The following RBM12B variants were observed in gnomAD, a reference collection of about 807,000 sequenced individuals.
RBM12B encodes the protein RNA-binding protein 12B.
Under a neutral mutation model 34.3 loss-of-function variants are expected in RBM12B, and 10 were observed. The observed-to-expected ratio is 0.29, with a 90% CI of 0.18 to 0.49. RBM12B has a LOEUF of 0.49. Among genes scored for constraint, RBM12B ranks in the 20% least tolerant of loss-of-function variants. The pLI is 0.99. For synonymous variants in RBM12B, 477 were observed against 437.1 expected (o/e 1.09, Z -1.14); for missense variants, 1,139 against 1,262.7 (o/e 0.90, Z 1.48).
intron 2 of RBM12B, among the ~76,000 whole-genome samples, chr8:93,738,650 C>T (rs1812097856): frequency 6.6e-6 from 1 of 152,020 alleles, no homozygotes; most frequent in African/African-American, 2.4e-5. Flanking sequence ...TTTTGTAGAG[C>T]CAGGGTTTCA....
In RBM12B at chr8:93,735,862, T is replaced by G; in HGVS notation, c.549A>C (p.Val183=). The G allele has an allele frequency of 6.2e-7, 1 of 1,614,052 alleles. No homozygotes were observed. Among genetic ancestry groups the G allele is most frequent in the East Asian group, 2.2e-5 (1 of 44,884 alleles). ...GGCCATCATGATGTTTTAAGAAAAT[T>G]ACTCCATCCACGCACAAACCAGAGA... The part of the protein sequence containing the change: ...VFFSGLCVDG[V]IFLKHHDGRN... Residue 183 remains valine, a synonymous_variant, in exon 4 of 4, where the codon GTA becomes GTC. Transcript: ENST00000520560.
At chr8:93,740,393 G>A (rs1812163438) in intron 2 of RBM12B, 1 of 457,286 alleles carries the variant, frequency 2.2e-6, no homozygotes, top group African/African-American at 2.0e-5. Context: ...CGTGGGATCC[G>A]ATGTTGTCGC....
rs1171490291 is a variant in RBM12B, at chr8:93,735,893, A to G, written c.518T>C (p.Val173Ala). 2 of 1,614,154 alleles carry G rather than the reference A, an allele frequency of 1.2e-6. No individual in the cohort carries two copies. The highest frequency in any genetic ancestry group is 2.2e-5 in the East Asian group (1 of 44,888). ...ATCCACGCACAAACCAGAGAAAAAG[A>G]CACGTACATCATCTTCATTTACTAG... ...PYLVNEDDVR[V>A]FFSGLCVDGV... The change falls in exon 4 of 4, where the codon GTC becomes GCC. Residue 173 changes from valine (V) to alanine (A), a missense_variant. Val to Ala is a moderately conservative substitution (Grantham distance 64, BLOSUM62 0). Coordinates refer to ENST00000520560, the MANE Select transcript of RBM12B (RefSeq NM_001377960.1).
rs533013250 is a variant in RBM12B at position 93,735,916 on chromosome 8, T to C, written c.495A>G (p.Leu165=). 1 of 1,614,212 alleles carries C rather than the reference T, an allele frequency of 6.2e-7. No homozygotes were observed. The highest frequency in any genetic ancestry group is 1.3e-5 in the African/African-American group (1 of 75,070). Residue 165 remains leucine (L), a synonymous_variant, in exon 4 of 4, where the codon CTA becomes CTG. Transcript: ENST00000520560. Reference sequence around the variant, plus strand: ...AGACACGTACATCATCTTCATTTACTAGGTAAGGCAAACCTCGTAGAAACA... The same window carrying C: ...AGACACGTACATCATCTTCATTTACCAGGTAAGGCAAACCTCGTAGAAACA... The part of the protein sequence containing the change: ...PYLFLRGLPY[L]VNEDDVRVFF...
intron 3 of RBM12B, 34 bp from the exon 4 acceptor site, chr8:93,736,472 T>C: frequency 6.8e-7 from 1 of 1,474,308 alleles, no homozygotes; most frequent in South Asian, 1.5e-5. Flanking sequence ...ATAGCAAGTC[T>C]TATTTTTGAA....
In RBM12B at chr8:93,738,364, A is replaced by C. The variant is rs185883767; in HGVS notation, c.-77-1009T>G. Among the ~76,000 whole-genome samples, 51 of 152,330 alleles carry C rather than the reference A, an allele frequency of 3.3e-4. 1 individual carries two copies. Among genetic ancestry groups the C allele is most frequent in the Admixed American group, 1.6e-3 (24 of 15,302 alleles). ...GATTACCCGTTTACTGAAAAATCTCAATGTAATTTTTTAAAGAAGTTTGCG... is the reference window on the plus strand; with the variant it reads ...GATTACCCGTTTACTGAAAAATCTCCATGTAATTTTTTAAAGAAGTTTGCG... On this transcript the variant is annotated intron_variant, in intron 2 of 3. Transcript: ENST00000520560.
intron 2 of RBM12B, chr8:93,738,834 C>T (rs1336223835): frequency 6.6e-6 from 1 of 152,086 alleles, no homozygotes; most frequent in Non-Finnish European, 1.5e-5. Flanking sequence ...ACTTAAGTAC[C>T]ACTGTTCCCC....
rs1268250545 is a variant in RBM12B at position 93,736,055 on chromosome 8, T to G, written c.356A>C (p.Asn119Thr). 1.9e-6 allele frequency: 3 copies of G among 1,614,226 alleles called. No individual in the cohort carries two copies. The highest frequency in any genetic ancestry group is 2.5e-6 in the Non-Finnish European group (3 of 1,180,046). ...ATTAATTGAAGAGCCATATCCAGAA[T>G]TACTTGCTTCTTCCTTAACAGACTC... ...FIESVKEEAS[N>T]SGYGSSINQD... The change falls in exon 4 of 4, where the codon AAT becomes ACT. Residue 119 changes from asparagine to threonine, a missense_variant. Asn to Thr is a moderately conservative substitution (Grantham distance 65, BLOSUM62 0). Coordinates refer to ENST00000520560, the MANE Select transcript of RBM12B (RefSeq NM_001377960.1).
At chr8:93,736,555 A>T in intron 3 of RBM12B, 117 bp from the exon 4 acceptor site, 2 of 759,066 alleles carry the variant, frequency 2.6e-6, no homozygotes, top group Non-Finnish European at 3.9e-6. Flanking sequence ...TGAAAACAAG[A>T]TACAAGTTCA....
Position 93,728,376 on chromosome 8 carries a change from A to G in RBM12B, c.*5029T>C. On this transcript the variant is annotated 3_prime_UTR_variant, in exon 4 of 4. Coordinates refer to ENST00000520560, the MANE Select transcript of RBM12B (RefSeq NM_001377960.1). The stretch of plus-strand genomic sequence containing the variant: ...TGTAGAACTTTATACTCACTTTGCT[A>G]TGTTAAGCCTCAAAGTGAAGTCCAA... 2.2e-6 allele frequency: 2 copies of G among 919,986 alleles called. No homozygotes were observed. The highest frequency in any genetic ancestry group is 1.6e-6 in the Non-Finnish European group (1 of 621,762). 57.0% of individuals were successfully genotyped at this position (919,986 alleles called of 1,614,324 possible).
intron 1 of RBM12B, 45 bp from the exon 2 acceptor site, chr8:93,740,741 G>A (rs969999661): frequency 5.6e-6 from 2 of 355,054 alleles, no homozygotes; most frequent in Admixed American, 3.8e-5. Context: ...AAAAGAGGGT[G>A]CCCTAACGGC....
At position 93,733,576 on chromosome 8, in the gene RBM12B, G is replaced by A. The variant is rs1363661277; in HGVS notation, c.2835C>T (p.Phe945=). The A allele has an allele frequency of 6.2e-7, 1 of 1,613,512 alleles. No homozygotes were observed. Residue 945 remains phenylalanine (F), a synonymous_variant, in exon 4 of 4, where the codon TTC becomes TTT. Coordinates refer to ENST00000520560, the MANE Select transcript of RBM12B (RefSeq NM_001377960.1). ...KANVNEILDF[F]HGYRIIPDSV... ...AATCAGGTATGATTCTGTAACCATG[G>A]AAAAAGTCTAAAATTTCATTCACAT...
chr8:93,736,348 G>A lies in RBM12B; in HGVS notation c.63C>T (p.His21=), dbSNP rs370178151. 5 of 1,613,278 alleles carry A rather than the reference G, an allele frequency of 3.1e-6. No homozygotes were observed. Among genetic ancestry groups the A allele is most frequent in the Non-Finnish European group, 3.4e-6 (4 of 1,179,908 alleles). The change falls in exon 4 of 4, where the codon CAC becomes CAT. Residue 21 remains histidine, a synonymous_variant. Transcript: ENST00000520560. ...CAGGAATAGTCAATCCCGTGAAGAA[G>A]TGACGAATATCCACAGGCCCCGCAA... The part of the protein sequence containing the change: ...PFIAGPVDIR[H]FFTGLTIPDG...
In RBM12B at chr8:93,733,742, C is replaced by A. The variant is rs373712480; in HGVS notation, c.2669G>T (p.Arg890Leu). ...AAAATCAAACTTGCCACCTTCTGGG[C>A]GACCAAAATTCACAAAAGGGCGGTG... ...RSHRPFVNFGRPEGGKFDFGK... is the reference protein window; with the variant it reads ...RSHRPFVNFGLPEGGKFDFGK... Residue 890 changes from arginine to leucine, a missense_variant, in exon 4 of 4, where the codon CGC becomes CTC. This residue lies in a region of RBM12B where 863 missense variants were observed against 869.5 expected (regional missense o/e 0.99). Coordinates refer to ENST00000520560, the MANE Select transcript of RBM12B (RefSeq NM_001377960.1). The A allele has an allele frequency of 1.2e-6, 2 of 1,613,950 alleles. No homozygotes were observed. Among genetic ancestry groups the A allele is most frequent in the Non-Finnish European group, 1.7e-6 (2 of 1,180,020 alleles).
rs1038565827 is a variant in RBM12B at position 93,732,428 on chromosome 8, C to T, written c.*977G>A. On this transcript the variant is annotated 3_prime_UTR_variant, in exon 4 of 4. Coordinates refer to ENST00000520560, the MANE Select transcript of RBM12B (RefSeq NM_001377960.1). ...TAGAGTCTTTGCATGGACACAGTTT[C>T]GAAGCTAAAAAATGAGAACCTAATA... The T allele has an allele frequency of 6.6e-6, 1 of 152,142 alleles. No individual in the cohort carries two copies. Among genetic ancestry groups the T allele is most frequent in the Non-Finnish European group, 1.5e-5 (1 of 68,022 alleles). 9.4% of individuals were successfully genotyped at this position (152,142 alleles called of 1,614,324 possible). A position where few individuals can be genotyped will look rare whatever the true frequency, so the allele number is the denominator to read the frequency against.
rs1812000472 is a variant in RBM12B, at chr8:93,735,771, G to C, written c.640C>G (p.His214Asp). 6 of 1,613,818 alleles carry C rather than the reference G, an allele frequency of 3.7e-6. No homozygotes were observed. In the Admixed American group the frequency reaches 5.0e-5, roughly 13 times the overall value. Residue 214 changes from histidine to aspartate, a missense_variant, in exon 4 of 4, where the codon CAT becomes GAT. By Grantham distance (81) the His-to-Asp change is moderately conservative. This residue lies in a region of RBM12B where 216 missense variants were observed against 292.2 expected (regional missense o/e 0.74). Transcript: ENST00000520560. ...CVDASGGLKC[H>D]RSFMGSRFIE... ...AATCTTGAACCCATAAAACTTCTAT[G>C]ACATTTAAGACCTCCTGAAGCATCA... is the stretch of plus-strand genomic sequence containing the variant.
chr8:93,734,016 G>T lies in RBM12B; in HGVS notation c.2395C>A (p.Arg799=), dbSNP rs201342066. Residue 799 remains arginine, a synonymous_variant, in exon 4 of 4, where the codon CGA becomes AGA. Transcript: ENST00000520560. ...RPPQEHFRRS[R]EEDFRHPPDE... ...GGTGGGTGCCTGAAATCTTCCTCTC[G>T]GGAGCGCCTGAAATGCTCCTGAGGC... 51 of 1,607,994 alleles carry T rather than the reference G, an allele frequency of 3.2e-5. No individual in the cohort carries two copies. In the East Asian group the frequency reaches 1.0e-3, roughly 33 times the overall value.
At position 93,734,780 on chromosome 8, in the gene RBM12B, T is replaced by C; in HGVS notation, c.1631A>G (p.Gln544Arg). 1 of 1,614,176 alleles carries C rather than the reference T, an allele frequency of 6.2e-7. No homozygotes were observed. Among genetic ancestry groups the C allele is most frequent in the Non-Finnish European group, 8.5e-7 (1 of 1,180,006 alleles). Residue 544 changes from glutamine (Q) to arginine (R), a missense_variant, in exon 4 of 4, where the codon CAG (glutamine) becomes CGG (arginine). Gln to Arg is a conservative substitution (Grantham distance 43, BLOSUM62 1). Transcript: ENST00000520560. ...CCTGTCAGGCTGCCGGAAATCCCTC[T>C]GGGGATGCTTGAAGTTATCCAGTTG... ...LRQLDNFKHP[Q>R]RDFRQPDRHP...
rs769684402 is a variant in RBM12B at position 93,734,084 on chromosome 8, G to A, written c.2327C>T (p.Pro776Leu). The stretch of plus-strand genomic sequence containing the variant: ...CTGGGGCGGTCTCCGGAAGTGCTCC[G>A]GGGGCGGGCGCCTGAAATGCTCTGG... ...PPPEHFRRPP[P>L]EHFRRPPQEH... is the part of the protein sequence containing the mutation. The change falls in exon 4 of 4, where the codon CCG becomes CTG. Residue 776 changes from proline (P) to leucine (L), a missense_variant. Transcript: ENST00000520560. The A allele has an allele frequency of 9.0e-6, 14 of 1,563,204 alleles. No individual in the cohort carries two copies. Among genetic ancestry groups the A allele is most frequent in the South Asian group, 4.7e-5 (4 of 84,344 alleles).
Sources: gnomAD v4.1 joint callset for allele counts (sites outside exome capture counted in the v4.1 genomes callset) on GRCh38, gnomAD v4.1.1 for gene constraint, gnomAD v4.1.1 regional missense constraint, MANE v1.5 for transcripts, NCBI Gene and HGNC (gene_info 2026-07-23, HGNC 2026-07-21) for gene names.